Variants in SCD5 observed in about 807,000 individuals in gnomAD.
SCD5 encodes stearoyl-CoA desaturase 5, also known as acyl-CoA-desaturase 4.
Under a neutral mutation model 30.4 loss-of-function variants are expected in SCD5, and 20 were observed. The observed-to-expected ratio is 0.66, with a 90% confidence interval of 0.46 to 0.96. The LOEUF (loss-of-function observed/expected upper bound fraction) is 0.96, where lower values mean the gene tolerates loss of function less well. Ranked by LOEUF, SCD5 falls within the 40% of genes least tolerant of loss-of-function variation. SCD5 has a pLI of 0.00. For missense variants in SCD5, 381 were observed against 443.3 expected, an observed-to-expected ratio of 0.86 and a Z score of 1.26; for synonymous variants, 173 against 176.4, an observed-to-expected ratio of 0.98 and a Z score of 0.16.
chr4:82,661,991 A>G (rs1026330612), intron 3 of SCD5, among the ~76,000 whole-genome samples: 4 of 152,172 alleles, frequency 2.6e-5, no homozygotes, highest in Non-Finnish European at 4.4e-5. Flanking sequence ...CCAACAAAAA[A>G]GGAGGGAAAT....
At chr4:82,765,981 G>C (rs942704686) in intron 1 of SCD5, among the ~76,000 whole-genome samples, 1 of 152,182 alleles carries the variant, frequency 6.6e-6, no homozygotes, top group African/African-American at 2.4e-5. Context: ...CATGAATACA[G>C]AGGGCCAACT....
intron 3 of SCD5, among the ~76,000 whole-genome samples, chr4:82,637,489 C>A (rs576759602): frequency 2.6e-5 from 4 of 152,200 alleles, no homozygotes; most frequent in African/African-American, 9.7e-5. Context: ...ATGTGCCAGA[C>A]CCTGAGTGTT....
chr4:82,631,841 T>A (rs1022138742), intron 4 of SCD5, among the ~76,000 whole-genome samples: 6 of 152,192 alleles, frequency 3.9e-5, no homozygotes, highest in African/African-American at 1.4e-4. Flanking sequence ...CAACTGTTTT[T>A]AAAAAATAGT....
At chr4:82,796,528 G>C (rs1308761467) in intron 1 of SCD5, among the ~76,000 whole-genome samples, 1 of 152,196 alleles carries the variant, frequency 6.6e-6, no homozygotes, top group African/African-American at 2.4e-5. Flanking sequence ...CTTGGAGAGA[G>C]GGGCCTTGTC....
chr4:82,769,118 C>T (rs1371027848), intron 1 of SCD5, among the ~76,000 whole-genome samples: 1 of 152,100 alleles, frequency 6.6e-6, no homozygotes, highest in Non-Finnish European at 1.5e-5. Context: ...CTAGGAGCCC[C>T]CATGGTCTCC....
chr4:82,682,575 A>C (rs971879412), intron 2 of SCD5, among the ~76,000 whole-genome samples: 1 of 152,176 alleles, frequency 6.6e-6, no homozygotes, highest in Non-Finnish European at 1.5e-5. Flanking sequence ...AATACTGGGT[A>C]ATGTTCTCAT....
chr4:82,728,566 G>A (rs1304480469), intron 1 of SCD5, among the ~76,000 whole-genome samples: 1 of 152,014 alleles, frequency 6.6e-6, no homozygotes, highest in Non-Finnish European at 1.5e-5. Flanking sequence ...ATATCTTTCA[G>A]ACTAACCCCA....
At position 82,754,848 on chromosome 4, in the gene SCD5, G is replaced by A. The variant is rs142796663; in HGVS notation, c.232+43458C>T. Among the ~76,000 whole-genome samples, 32 of 152,094 alleles carry A rather than the reference G, an allele frequency of 2.1e-4. No individual in the cohort carries two copies. In the East Asian group the frequency reaches 4.8e-3, roughly 23 times the overall value. ...TGACCTATATTTCACTTCTTATATC[G>A]GCAGAAGTGACAAGCCTCGAAGGCC... is the stretch of plus-strand genomic sequence containing the variant. On this transcript the variant is annotated intron_variant, in intron 1 of 4. Transcript: ENST00000319540.
At chr4:82,679,202 A>AG (rs1728499382) in intron 3 of SCD5, among the ~76,000 whole-genome samples, 3 of 40,902 alleles carry the variant, frequency 7.3e-5, no homozygotes, top group African/African-American at 2.2e-4. Context: ...CCATCTCCAA[A>AG]AAAAAAAAAA....
At chr4:82,665,706 G>C (rs1036634085) in intron 3 of SCD5, among the ~76,000 whole-genome samples, 2 of 151,966 alleles carry the variant, frequency 1.3e-5, no homozygotes, top group Non-Finnish European at 2.9e-5. Context: ...AAGTTCTTCA[G>C]GCAGAAGGAA....
chr4:82,638,330 G>A (rs1052902980), intron 3 of SCD5, among the ~76,000 whole-genome samples: 5 of 152,114 alleles, frequency 3.3e-5, no homozygotes, highest in Non-Finnish European at 7.4e-5. Flanking sequence ...TGTCTGGGCA[G>A]TTTACTCTGG....
At chr4:82,777,028 T>C (rs958652318) in intron 1 of SCD5, among the ~76,000 whole-genome samples, 4 of 152,244 alleles carry the variant, frequency 2.6e-5, no homozygotes, top group Non-Finnish European at 5.9e-5. Context: ...CATGCTCTTC[T>C]GCAGACTTCT....
intron 1 of SCD5, among the ~76,000 whole-genome samples, chr4:82,757,520 C>A (rs1419235282): frequency 6.6e-6 from 1 of 152,182 alleles, no homozygotes; most frequent in Non-Finnish European, 1.5e-5. Flanking sequence ...AAACCAAAAT[C>A]CAGAGACGGG....
At chr4:82,788,362 G>T (rs1167165788) in intron 1 of SCD5, among the ~76,000 whole-genome samples, 1 of 152,056 alleles carries the variant, frequency 6.6e-6, no homozygotes, top group African/African-American at 2.4e-5. Context: ...GTTTACCAAG[G>T]GACGCATGAC....
chr4:82,798,366 A>C lies in SCD5; in HGVS notation c.172T>G (p.Leu58Val), dbSNP rs777776059. 1 of 1,613,226 alleles carries C rather than the reference A, an allele frequency of 6.2e-7. No homozygotes were observed. Reference protein sequence around the residue: ...RNVVLMSLLHLGAVYSLVLIP... With the variant: ...RNVVLMSLLHVGAVYSLVLIP... ...AGCACCAGGGAGTACACGGCCCCCA[A>C]GTGGAGCAAGCTCATCAGGACGACA... Residue 58 changes from leucine to valine, a missense_variant, in exon 1 of 5, where the codon TTG becomes GTG. Coordinates refer to ENST00000319540, the MANE Select transcript of SCD5 (RefSeq NM_001037582.3).
intron 4 of SCD5, 141 bp downstream of exon 4, chr4:82,636,450 C>CA (rs957646761): frequency 2.4e-5 from 13 of 545,382 alleles, no homozygotes; most frequent in African/African-American, 9.7e-5. Context: ...GACTCTATCT[C>CA]GGAAAAAAAA....
intron 2 of SCD5, among the ~76,000 whole-genome samples, chr4:82,695,909 G>A (rs1719686678): frequency 6.6e-6 from 1 of 152,154 alleles, no homozygotes; most frequent in African/African-American, 2.4e-5. Flanking sequence ...CTAAAAGTCA[G>A]TGTGACACTT....
At chr4:82,684,522 T>C (rs1728653881) in intron 2 of SCD5, among the ~76,000 whole-genome samples, 1 of 151,742 alleles carries the variant, frequency 6.6e-6, no homozygotes, top group Non-Finnish European at 1.5e-5. Context: ...TGATTGGGAG[T>C]GGGTGGGTAG....
intron 4 of SCD5, among the ~76,000 whole-genome samples, chr4:82,635,570 A>G (rs561188730): frequency 1.1e-4 from 17 of 149,000 alleles, no homozygotes; most frequent in African/African-American, 3.7e-4. Context: ...GCAGTGAGCC[A>G]AGATCACGCC....
Sources: gnomAD v4.1 joint callset for allele counts (sites outside exome capture counted in the v4.1 genomes callset) on GRCh38, gnomAD v4.1.1 for gene constraint, MANE v1.5 for transcripts, NCBI Gene and HGNC (gene_info 2026-07-23, HGNC 2026-07-21) for gene names.